Variants in TLN2 observed in about 807,000 individuals in gnomAD.
TLN2 encodes the protein talin 2.
A neutral mutation model predicts 294.7 loss-of-function variants in TLN2; 118 were observed. That is an observed-to-expected ratio of 0.40 (90% CI 0.34 to 0.47). The LOEUF (loss-of-function observed/expected upper bound fraction) is 0.47, where lower values mean the gene tolerates loss of function less well. TLN2 is among the 20% of genes least tolerant of loss of function. The probability of loss-of-function intolerance (pLI) is 0.84; values close to 1 mark genes in which losing one functional copy is unlikely to be tolerated. For synonymous variants in TLN2, 1,431 were observed against 1,304.5 expected (o/e 1.10, Z -2.09); for missense variants, 3,083 against 3,282.2 (o/e 0.94, Z 1.48).
At chr15:62,536,517 A>T (rs910471045) in intron 1 of TLN2, among the ~76,000 whole-genome samples, 14 of 152,154 alleles carry the variant, frequency 9.2e-5, no homozygotes, top group African/African-American at 3.4e-4. Flanking sequence ...CTGTTAATAA[A>T]TTTTTGTATT....
chr15:62,836,314 AC>A (rs1478427187), intron 57 of TLN2, among the ~76,000 whole-genome samples: 1 of 152,180 alleles, frequency 6.6e-6, no homozygotes, highest in Non-Finnish European at 1.5e-5. Flanking sequence ...CGCCAGCCCA[AC>A]CCAGCAGACC....
intron 54 of TLN2, among the ~76,000 whole-genome samples, chr15:62,826,884 G>GT (rs1021600488): frequency 8.6e-5 from 13 of 152,016 alleles, no homozygotes; most frequent in East Asian, 3.8e-4. Context: ...ATCCAAGAGG[G>GT]TTTTTTTAAA....
intron 52 of TLN2, among the ~76,000 whole-genome samples, chr15:62,810,802 A>T (rs1229166171): frequency 6.6e-6 from 1 of 152,192 alleles, no homozygotes; most frequent in Non-Finnish European, 1.5e-5. Flanking sequence ...ATAGTCAGGG[A>T]CACCCCCAGA....
intron 23 of TLN2, among the ~76,000 whole-genome samples, 159 bp downstream of exon 23, chr15:62,716,618 A>G (rs761911815): frequency 2.6e-5 from 4 of 152,260 alleles, no homozygotes; most frequent in East Asian, 1.9e-4. Flanking sequence ...CATTGACTCA[A>G]TTGGAAAAAA....
chr15:62,441,889 CT>C (rs1166793342), intron 1 of TLN2, among the ~76,000 whole-genome samples: 1 of 152,150 alleles, frequency 6.6e-6, no homozygotes, highest in African/African-American at 2.4e-5. Context: ...GTGTGCCCCC[CT>C]AGAGGGCATG....
At chr15:62,838,345 C>G (rs1006070299) in intron 57 of TLN2, among the ~76,000 whole-genome samples, 4 of 152,180 alleles carry the variant, frequency 2.6e-5, no homozygotes, top group Non-Finnish European at 5.9e-5. Context: ...AGGGAACAGC[C>G]AGCCACAAGC....
At chr15:62,730,061 A>ATGT (rs1555490925) in intron 28 of TLN2, among the ~76,000 whole-genome samples, 2 of 130,654 alleles carry the variant, frequency 1.5e-5, no homozygotes, top group African/African-American at 5.9e-5. Flanking sequence ...ATGGAGTCTC[A>ATGT]TGCTGTTGTC....
chr15:62,420,374 C>G (rs1324542206), intron 1 of TLN2, among the ~76,000 whole-genome samples: 1 of 151,886 alleles, frequency 6.6e-6, no homozygotes, highest in African/African-American at 2.4e-5. Flanking sequence ...TCTTGGAGCA[C>G]CCCTGTGTGT....
intron 1 of TLN2, among the ~76,000 whole-genome samples, chr15:62,572,907 T>C (rs1208299061): frequency 3.9e-5 from 6 of 152,110 alleles, no homozygotes; most frequent in Non-Finnish European, 2.9e-5. Flanking sequence ...CCCCCATGGC[T>C]CCTCCCAGCC....
chr15:62,827,042 G>A (rs1466855000), intron 54 of TLN2, among the ~76,000 whole-genome samples: 4 of 147,404 alleles, frequency 2.7e-5, no homozygotes, highest in Non-Finnish European at 6.0e-5. Context: ...CGACCATTGT[G>A]TTTTTAGCTC....
At chr15:62,774,374 AC>A (rs1303962107) in intron 42 of TLN2, among the ~76,000 whole-genome samples, 1 of 151,102 alleles carries the variant, frequency 6.6e-6, no homozygotes, top group African/African-American at 2.4e-5. Flanking sequence ...TAAAATAACC[AC>A]CTCATTGTTG....
chr15:62,613,852 CA>C (rs774755284), intron 2 of TLN2, among the ~76,000 whole-genome samples: 1,901 of 80,330 alleles, frequency 0.024, 31 homozygotes, highest in African/African-American at 0.07. Context: ...GAAGCCAGGC[CA>C]AAAAAAAAAA....
rs550012226 is a variant in TLN2, at chr15:62,773,354, T to C, written c.5367+2220T>C. 1.6e-4 allele frequency among the ~76,000 whole-genome samples: 24 copies of C among 152,068 alleles called. 1 individual carries two copies. In the South Asian group the frequency reaches 4.8e-3, roughly 30 times the overall value. On this transcript the variant is annotated intron_variant, in intron 42 of 58. Coordinates refer to ENST00000636159, the MANE Select transcript of TLN2 (RefSeq NM_015059.3). ...GAAAGTGGTGTCTAGCATAATTTTC[T>C]ACCAGTGTGAAGTAGTTTTCAGTAA...
chr15:62,765,348 T>G (rs2062932288), intron 40 of TLN2, among the ~76,000 whole-genome samples: 1 of 152,048 alleles, frequency 6.6e-6, no homozygotes, highest in Admixed American at 6.6e-5. Flanking sequence ...GGTTTTGTTT[T>G]CAAGTTTGCA....
chr15:62,632,826 C>A (rs1173880210), intron 3 of TLN2, among the ~76,000 whole-genome samples: 1 of 152,200 alleles, frequency 6.6e-6, no homozygotes. Context: ...CTCCACAAAT[C>A]TGCCTCCCAT....
intron 11 of TLN2, among the ~76,000 whole-genome samples, chr15:62,683,508 ATTGGTAGAATGCCTGCATTCTCCCG>A (rs1567342405): frequency 1.9e-4 from 26 of 136,924 alleles, no homozygotes; most frequent in African/African-American, 6.9e-4. Context: ...CCCGCCTCTC[ATTGGTAGAATGCCTGCATTCTCCCG>A]CCTCTCATTG....
At position 62,694,390 on chromosome 15, in the gene TLN2, A is replaced by G; in HGVS notation, c.1290A>G (p.Lys430=). Residue 430 remains lysine (K), a splice_region_variant and synonymous_variant, in exon 14 of 59, where the codon AAA becomes AAG. Coordinates refer to ENST00000636159, the MANE Select transcript of TLN2 (RefSeq NM_015059.3). The part of the protein sequence containing the change: ...STMLEESVSP[K]KSTILQQQFN... ...TGTTAGAAGAGTCCGTTTCCCCAAA[A>G]AAGTAAGTATTATGAAGAGTACTAG... 6.2e-7 allele frequency: 1 copy of G among 1,614,010 alleles called. No individual in the cohort carries two copies. The highest frequency in any genetic ancestry group is 8.5e-7 in the Non-Finnish European group (1 of 1,179,892).
intron 42 of TLN2, among the ~76,000 whole-genome samples, chr15:62,774,953 CTTTT>C (rs36003657): frequency 8.9e-5 from 9 of 101,484 alleles, no homozygotes; most frequent in African/African-American, 2.5e-4. Flanking sequence ...GAATTGCTGG[CTTTT>C]TTTTTTTTTT....
Position 62,763,677 on chromosome 15 carries a change from GGAC to G in TLN2, c.5080_5082del (p.Asp1694del). The G allele has an allele frequency of 6.2e-7, 1 of 1,610,424 alleles. No individual in the cohort carries two copies. Among genetic ancestry groups the G allele is most frequent in the South Asian group, 1.1e-5 (1 of 90,506 alleles). On this transcript the variant is annotated inframe_deletion, in exon 40 of 59. Coordinates refer to ENST00000636159, the MANE Select transcript of TLN2 (RefSeq NM_015059.3). Reference sequence around the variant, plus strand: ...CCGTCAGCCAGAGCCTGGCCACGAGGGACGACATCTCTGTGGAGGTAAGCTGGG... The same window carrying G: ...CCGTCAGCCAGAGCCTGGCCACGAGGGACATCTCTGTGGAGGTAAGCTGGG...
Sources: gnomAD v4.1 joint callset for allele counts (sites outside exome capture counted in the v4.1 genomes callset) on GRCh38, gnomAD v4.1.1 for gene constraint, MANE v1.5 for transcripts, NCBI Gene and HGNC (gene_info 2026-07-23, HGNC 2026-07-21) for gene names.